The following ZBTB40 variants were observed in gnomAD, a reference collection of about 807,000 sequenced individuals.
ZBTB40 encodes zinc finger and BTB domain-containing protein 40.
In ZBTB40, 60 loss-of-function variants were observed where a neutral mutation model predicts 117.5. The observed-to-expected ratio is 0.51, with a 90% CI of 0.41 to 0.63. The LOEUF (loss-of-function observed/expected upper bound fraction) is 0.63, where lower values mean the gene tolerates loss of function less well. Among genes scored for constraint, ZBTB40 ranks in the 30% least tolerant of loss-of-function variants. The probability of loss-of-function intolerance (pLI) is 0.00; values close to 1 mark genes in which losing one functional copy is unlikely to be tolerated. For missense variants in ZBTB40, 1,287 were observed against 1,498.5 expected (o/e 0.86, Z 2.33); for synonymous variants, 525 against 577.1 (o/e 0.91, Z 1.29).
intron 1 of ZBTB40, among the ~76,000 whole-genome samples, chr1:22,456,068 A>G (rs1462447073): frequency 6.6e-6 from 1 of 152,114 alleles, no homozygotes; most frequent in African/African-American, 2.4e-5. Flanking sequence ...GAATTGGGAT[A>G]TATGGTTTTC....
chr1:22,519,063 T>C (rs947629128), intron 13 of ZBTB40, among the ~76,000 whole-genome samples: 2 of 152,148 alleles, frequency 1.3e-5, no homozygotes, highest in African/African-American at 4.8e-5. Flanking sequence ...TGCATCAAAG[T>C]GTCTTAGAAG....
Position 22,508,695 on chromosome 1 carries a change from C to T in ZBTB40, c.1663C>T (p.Arg555Ter), listed in dbSNP as rs377458696. The part of the protein sequence containing the change: ...CPLDLLMEEI[R>*]REPGADAFFR... ...ATTGGACCTGCTCATGGAGGAAATA[C>T]GAAGGGAGCCTGGTGCCGATGCTTT... The change falls in exon 8 of 18, where the codon CGA (arginine) becomes TGA (stop). Residue 555 changes from arginine to a stop codon, truncating the protein, a stop_gained. Transcript: ENST00000375647. LOFTEE classifies it high-confidence loss of function. 21 of 1,613,976 alleles carry T rather than the reference C, an allele frequency of 1.3e-5. No individual in the cohort carries two copies. Among genetic ancestry groups the T allele is most frequent in the African/African-American group, 4.0e-5 (3 of 74,926 alleles).
chr1:22,518,996 CCTCT>C (rs1025719541), intron 13 of ZBTB40, among the ~76,000 whole-genome samples: 1 of 152,182 alleles, frequency 6.6e-6, no homozygotes, highest in African/African-American at 2.4e-5. Flanking sequence ...TCCAGGCCCC[CCTCT>C]CTCTCCCATT....
At chr1:22,467,918 A>G (rs1037490910) in intron 1 of ZBTB40, among the ~76,000 whole-genome samples, 18 of 151,574 alleles carry the variant, frequency 1.2e-4, no homozygotes, top group African/African-American at 4.1e-4. Context: ...ACATAGGGAG[A>G]CCCTGTCTAC....
At chr1:22,503,086 G>A (rs957525133) in intron 5 of ZBTB40, among the ~76,000 whole-genome samples, 2 of 144,180 alleles carry the variant, frequency 1.4e-5, no homozygotes, top group African/African-American at 2.6e-5. Flanking sequence ...TATGGATTTC[G>A]TTTCTTTATC....
intron 9 of ZBTB40, among the ~76,000 whole-genome samples, chr1:22,509,572 T>A (rs1054398519): frequency 2.6e-5 from 4 of 152,198 alleles, no homozygotes; most frequent in Non-Finnish European, 5.9e-5. Flanking sequence ...GGTCTCGAAC[T>A]CCTGGCCTCA....
At chr1:22,460,226 G>A (rs1641100090) in intron 1 of ZBTB40, among the ~76,000 whole-genome samples, 1 of 152,172 alleles carries the variant, frequency 6.6e-6, no homozygotes, top group African/African-American at 2.4e-5. Context: ...GGAGAATGAA[G>A]GTGGGTGAAA....
chr1:22,453,879 A>T (rs1021456250), intron 1 of ZBTB40, among the ~76,000 whole-genome samples: 1 of 152,186 alleles, frequency 6.6e-6, no homozygotes, highest in African/African-American at 2.4e-5. Flanking sequence ...AGTACCCACA[A>T]CCTGGTGTTT....
chr1:22,481,702 A>C (rs1326857449), intron 1 of ZBTB40, among the ~76,000 whole-genome samples: 1 of 150,688 alleles, frequency 6.6e-6, no homozygotes, highest in Non-Finnish European at 1.5e-5. Context: ...GTTTCTTACT[A>C]ATAAGAATGT....
At chr1:22,489,217 AT>A (rs1376494162) in intron 1 of ZBTB40, among the ~76,000 whole-genome samples, 2 of 152,166 alleles carry the variant, frequency 1.3e-5, no homozygotes. Context: ...TTTAGATGAT[AT>A]TTCAAAGCTA....
intron 1 of ZBTB40, among the ~76,000 whole-genome samples, chr1:22,482,114 G>T (rs1277028590): frequency 1.3e-5 from 2 of 151,930 alleles, no homozygotes; most frequent in African/African-American, 2.4e-5. Context: ...AAAAATATAT[G>T]TGCATTTTTA....
chr1:22,491,373 ATTTGT>A (rs761157686), intron 2 of ZBTB40, 22 bp from the exon 3 acceptor site: 3 of 1,612,418 alleles, frequency 1.9e-6, no homozygotes, highest in Non-Finnish European at 2.5e-6. Context: ...TGAATTTCTG[ATTTGT>A]TTTATTTTGT....
chr1:22,469,226 T>C (rs979698677), intron 1 of ZBTB40, among the ~76,000 whole-genome samples: 6 of 152,248 alleles, frequency 3.9e-5, no homozygotes, highest in African/African-American at 1.4e-4. Flanking sequence ...TTTTATGTAG[T>C]CAAATCTATT....
chr1:22,436,668 A>G (rs1569736025), intron 1 of ZBTB40, among the ~76,000 whole-genome samples: 1 of 152,234 alleles, frequency 6.6e-6, no homozygotes, highest in Non-Finnish European at 1.5e-5. Flanking sequence ...TAAAAGAAAC[A>G]AAACTGATAA....
chr1:22,442,198 T>C (rs1301317020), intron 1 of ZBTB40, among the ~76,000 whole-genome samples: 1 of 152,172 alleles, frequency 6.6e-6, no homozygotes, highest in Non-Finnish European at 1.5e-5. Context: ...ATATAATCTA[T>C]CCTGGAAAAT....
intron 1 of ZBTB40, chr1:22,453,046 C>G (rs1640920846): frequency 6.6e-6 from 1 of 152,218 alleles, no homozygotes; most frequent in African/African-American, 2.4e-5. Flanking sequence ...CAAATTGAGC[C>G]TGTCCCTGGG....
At chr1:22,440,713 T>G (rs1640722129) in intron 1 of ZBTB40, among the ~76,000 whole-genome samples, 1 of 152,130 alleles carries the variant, frequency 6.6e-6, no homozygotes, top group South Asian at 2.1e-4. Context: ...GTCAAATGCT[T>G]TTTTAGATGA....
At position 22,490,013 on chromosome 1, in the gene ZBTB40, A is replaced by T. The variant is rs759973385; in HGVS notation, c.65A>T (p.Gln22Leu). The T allele has an allele frequency of 6.2e-7, 1 of 1,614,038 alleles. No individual in the cohort carries two copies. Among genetic ancestry groups the T allele is most frequent in the South Asian group, 1.1e-5 (1 of 91,070 alleles). Reference sequence around the variant, plus strand: ...CTGTACACTCTGTGCAAGGAGCAGCAGTTCTGTGATTGCACCATCTCCATT... The same window carrying T: ...CTGTACACTCTGTGCAAGGAGCAGCTGTTCTGTGATTGCACCATCTCCATT... The part of the protein sequence containing the change: ...QQLYTLCKEQ[Q>L]FCDCTISIGT... The change falls in exon 2 of 18, where the codon CAG becomes CTG. Residue 22 changes from glutamine (Q) to leucine (L), a missense_variant. Gln to Leu is a moderately radical substitution (Grantham distance 113). Around this residue, in one of 2 missense-constraint regions of ZBTB40, gnomAD observed 870 missense variants for 934.4 expected, o/e 0.93. Coordinates refer to ENST00000375647, the MANE Select transcript of ZBTB40 (RefSeq NM_014870.4).
chr1:22,477,505 T>C lies in ZBTB40; in HGVS notation c.-69-12375T>C, dbSNP rs141876604. Among the ~76,000 whole-genome samples the C allele has an allele frequency of 5.7e-3, 873 of 152,080 alleles. 6 individuals are homozygous for C. The highest frequency in any genetic ancestry group is 0.02 in the African/African-American group (842 of 41,488). On this transcript the variant is annotated intron_variant, in intron 1 of 17. Transcript: ENST00000375647. The stretch of plus-strand genomic sequence containing the variant: ...CTCTACTAAAGATACAAAAATTAGC[T>C]GGGCATGGTGGCACGCGCCTGTAGT...
Sources: allele counts gnomAD v4.1 joint callset (sites outside exome capture counted in the v4.1 genomes callset), GRCh38; gene constraint gnomAD v4.1.1; regional missense constraint gnomAD v4.1.1; transcripts MANE v1.5; gene names NCBI Gene and HGNC (gene_info 2026-07-23, HGNC 2026-07-21).